Variants in MYOM3 observed in about 807,000 individuals in gnomAD.
MYOM3 encodes the protein myomesin-3.
MYOM3 carries 155 observed loss-of-function variants against 191.7 expected under a neutral mutation model. That is an observed-to-expected ratio of 0.81 (90% CI 0.71 to 0.92). The LOEUF is 0.92. Among genes scored for constraint, MYOM3 ranks in the 40% least tolerant of loss-of-function variants. The pLI, the probability that MYOM3 is intolerant of heterozygous loss-of-function variation, is 0.00. For missense variants in MYOM3, 1,889 were observed against 1,890.6 expected (o/e 1.00, Z 0.02); for synonymous variants, 757 against 762.9 (o/e 0.99, Z 0.13).
At chr1:24,058,566 A>G (rs1643330526) in intron 36 of MYOM3, among the ~76,000 whole-genome samples, 1 of 152,260 alleles carries the variant, frequency 6.6e-6, no homozygotes, top group African/African-American at 2.4e-5. Flanking sequence ...AGTAAGCACC[A>G]TCAATAAGTC....
chr1:24,095,839 A>G (rs1326053212), intron 7 of MYOM3, among the ~76,000 whole-genome samples: 2 of 151,888 alleles, frequency 1.3e-5, no homozygotes, highest in Non-Finnish European at 2.9e-5. Flanking sequence ...AGGCGCGGGG[A>G]TTTCTGGTGG....
At chr1:24,062,392 G>C (rs190226073) in intron 32 of MYOM3, among the ~76,000 whole-genome samples, 3 of 152,250 alleles carry the variant, frequency 2.0e-5, no homozygotes, top group East Asian at 3.9e-4. Context: ...TTAGTCACAG[G>C]GCTCAGAAAC....
chr1:24,059,164 C>T (rs1446805633), intron 35 of MYOM3, among the ~76,000 whole-genome samples, 185 bp from the exon 36 acceptor site: 3 of 151,860 alleles, frequency 2.0e-5, no homozygotes, highest in South Asian at 2.1e-4. Flanking sequence ...GACAGGGTCT[C>T]GCTCTGTTGC....
At chr1:24,095,333 C>G (rs537792036) in intron 8 of MYOM3, 109 bp downstream of exon 8, 5 of 1,087,414 alleles carry the variant, frequency 4.6e-6, no homozygotes, top group Non-Finnish European at 6.8e-6. Flanking sequence ...CCCCGGTGGA[C>G]GTCCTTTTAT....
Position 24,057,119 on chromosome 1 carries a change from T to A in MYOM3, c.*245A>T. 1.8e-6 allele frequency: 1 copy of A among 549,616 alleles called. No individual in the cohort carries two copies. The highest frequency in any genetic ancestry group is 3.2e-6 in the Non-Finnish European group (1 of 307,968). 34.0% of individuals were successfully genotyped at this position (549,616 alleles called of 1,614,324 possible). A position where few individuals can be genotyped will look rare whatever the true frequency, so the allele number is the denominator to read the frequency against. Reference sequence around the variant, plus strand: ...AGTACTGTTAGATAGCCCCAGTGCATCCGGGTCTCCTACTCCAGGTCCAGG... The same window carrying A: ...AGTACTGTTAGATAGCCCCAGTGCAACCGGGTCTCCTACTCCAGGTCCAGG... On this transcript the variant is annotated 3_prime_UTR_variant, in exon 37 of 37. Transcript: ENST00000374434.
At chr1:24,106,591 AT>A (rs1038410721) in intron 4 of MYOM3, among the ~76,000 whole-genome samples, 16 of 152,020 alleles carry the variant, frequency 1.1e-4, no homozygotes, top group African/African-American at 3.4e-4. Context: ...TTTTATTATT[AT>A]TATTTTTTAA....
rs990159909 is a variant in MYOM3, at chr1:24,093,073, G to T, written c.964C>A (p.Leu322Ile). The change falls in exon 10 of 37, where the codon CTC becomes ATC. Residue 322 changes from leucine (L) to isoleucine (I), a missense_variant. By Grantham distance (5) the Leu-to-Ile change is conservative (BLOSUM62 2). Coordinates refer to ENST00000374434, the MANE Select transcript of MYOM3 (RefSeq NM_152372.4). ...LLRSSRRRKI[L>I]YTDRQASLKV... is the part of the protein sequence containing the mutation. ...AGGGATGCCTGGCGGTCTGTGTAGAGGATCTTCCGACGTCTCGAGGACCTC... is the reference window on the plus strand; with the variant it reads ...AGGGATGCCTGGCGGTCTGTGTAGATGATCTTCCGACGTCTCGAGGACCTC... 6.2e-7 allele frequency: 1 copy of T among 1,612,228 alleles called. No individual in the cohort carries two copies. The highest frequency in any genetic ancestry group is 8.5e-7 in the Non-Finnish European group (1 of 1,179,862).
chr1:24,099,639 A>T, intron 6 of MYOM3, 41 bp downstream of exon 6: 3 of 1,510,654 alleles, frequency 2.0e-6, no homozygotes, highest in Non-Finnish European at 1.8e-6. Flanking sequence ...CGGCGGTGGC[A>T]GGGTCTGGGG....
At chr1:24,076,953 C>T (rs999606144) in intron 20 of MYOM3, among the ~76,000 whole-genome samples, 6 of 152,190 alleles carry the variant, frequency 3.9e-5, no homozygotes, top group Non-Finnish European at 7.4e-5. Context: ...TCCCAAGTAG[C>T]TGGTACTACA....
Position 24,107,062 on chromosome 1 carries a change from C to T in MYOM3, c.402+11G>A. 2.5e-6 allele frequency: 4 copies of T among 1,601,104 alleles called. No individual in the cohort carries two copies. The highest frequency in any genetic ancestry group is 3.4e-6 in the Non-Finnish European group (4 of 1,174,178). ...TCCCAGGCCCTGGGGCTCCACGGCC[C>T]ACCCCCTTACCCGCCGCCTCAGCGT... On this transcript the variant is annotated intron_variant, in intron 4 of 36. Coordinates refer to ENST00000374434, the MANE Select transcript of MYOM3 (RefSeq NM_152372.4).
At position 24,068,280 on chromosome 1, in the gene MYOM3, C is replaced by G; in HGVS notation, c.3238G>C (p.Ala1080Pro). ...LSEEDKGSYT[A>P]QLQDGKAKNQ... ...TTGGCTTTTCCATCTTGGAGTTGAG[C>G]GGTGTACGACCCTTTGTCCTCCTCA... is the stretch of plus-strand genomic sequence containing the variant. Residue 1080 changes from alanine (A) to proline (P), a missense_variant, in exon 26 of 37, where the codon GCT becomes CCT. Physicochemically the swap from Ala to Pro is conservative, Grantham distance 27. Transcript: ENST00000374434. 2 of 1,614,154 alleles carry G rather than the reference C, an allele frequency of 1.2e-6. No individual in the cohort carries two copies. Among genetic ancestry groups the G allele is most frequent in the Non-Finnish European group, 1.7e-6 (2 of 1,180,010 alleles).
At chr1:24,061,202 T>A in intron 34 of MYOM3, 71 bp downstream of exon 34, 9 of 1,606,674 alleles carry the variant, frequency 5.6e-6, no homozygotes, top group Non-Finnish European at 7.7e-6. Context: ...CAGGAAGGAG[T>A]CCTGAGCCTA....
At chr1:24,067,320 CTTT>C (rs1431267414) in intron 27 of MYOM3, among the ~76,000 whole-genome samples, 6 of 106,032 alleles carry the variant, frequency 5.7e-5, no homozygotes, top group South Asian at 3.5e-4. Context: ...TTCTTTCTTT[CTTT>C]CCTTCTTTCT....
At chr1:24,092,899 CT>C in intron 10 of MYOM3, 47 bp downstream of exon 10, 1 of 1,447,606 alleles carries the variant, frequency 6.9e-7, no homozygotes, top group South Asian at 1.4e-5. Context: ...GGGCAGAGCC[CT>C]GGTCTCTGGG....
At chr1:24,099,630 G>A (rs563954964) in intron 6 of MYOM3, 50 bp downstream of exon 6, 15 of 1,442,052 alleles carry the variant, frequency 1.0e-5, no homozygotes, top group Admixed American at 1.7e-5. Flanking sequence ...CTCTGGCCTC[G>A]GCGGTGGCAG....
rs1483137234 is a variant in MYOM3 at position 24,068,235 on chromosome 1, G to A, written c.3283C>T (p.Leu1095=). 4 of 1,613,990 alleles carry A rather than the reference G, an allele frequency of 2.5e-6. No homozygotes were observed. Among genetic ancestry groups the A allele is most frequent in the Middle Eastern group, 1.7e-4 (1 of 6,034 alleles). ...GGGCATGGCTGACCGTCATCCACCA[G>A]TGTCAAGGTAATCTGGTTTTTGGCT... The part of the protein sequence containing the change: ...GKAKNQITLT[L]VDDDFDKLLR... The change falls in exon 26 of 37, where the codon CTG becomes TTG. Residue 1095 remains leucine (L), a synonymous_variant. Transcript: ENST00000374434.
chr1:24,082,657 GACTGACCT>G lies in MYOM3; in HGVS notation c.2020_2027del (p.Arg674GlnfsTer39). The stretch of plus-strand genomic sequence containing the variant: ...AGCTCTCGCCTACCCCAGCCTCGCT[GACTGACCT>G]GACACAAAACTCGTACTCCTTCCCC... On this transcript the variant is annotated frameshift_variant, in exon 17 of 37. Coordinates refer to ENST00000374434, the MANE Select transcript of MYOM3 (RefSeq NM_152372.4). LOFTEE classifies it high-confidence loss of function. 2 of 1,612,640 alleles carry G rather than the reference GACTGACCT, an allele frequency of 1.2e-6. No individual in the cohort carries two copies. The highest frequency in any genetic ancestry group is 1.7e-6 in the Non-Finnish European group (2 of 1,179,500).
intron 25 of MYOM3, among the ~76,000 whole-genome samples, chr1:24,069,994 C>T (rs1215981165): frequency 3.3e-5 from 5 of 152,140 alleles, no homozygotes; most frequent in Non-Finnish European, 7.3e-5. Flanking sequence ...ATTTGAATCT[C>T]TCATGAGGTT....
chr1:24,060,838 C>T (rs960775099), intron 35 of MYOM3, among the ~76,000 whole-genome samples: 1 of 152,150 alleles, frequency 6.6e-6, no homozygotes, highest in South Asian at 2.1e-4. Context: ...CATGTGCCTG[C>T]GAGAACCAGG....
Sources: gnomAD v4.1 joint callset for allele counts (sites outside exome capture counted in the v4.1 genomes callset) on GRCh38, gnomAD v4.1.1 for gene constraint, MANE v1.5 for transcripts, NCBI Gene and HGNC (gene_info 2026-07-23, HGNC 2026-07-21) for gene names.